Variants in SNRPN observed in about 807,000 individuals in gnomAD.
SNRPN encodes small nuclear ribonucleoprotein polypeptide N, also known as small nuclear ribonucleoprotein-associated protein N.
In SNRPN, 7 loss-of-function variants were observed where a neutral mutation model predicts 25.2. The observed-to-expected ratio is 0.28, with a 90% confidence interval of 0.16 to 0.52. SNRPN has a LOEUF of 0.52. Among genes scored for constraint, SNRPN ranks in the 20% least tolerant of loss-of-function variants. SNRPN has a pLI of 0.96. For missense variants in SNRPN, 196 were observed against 322.5 expected, an observed-to-expected ratio of 0.61 and a Z score of 3.00; for synonymous variants, 124 against 110.6, an observed-to-expected ratio of 1.12 and a Z score of -0.76.
chr15:24,960,341 G>A (rs1417667766), intron 1 of SNRPN, among the ~76,000 whole-genome samples: 1 of 152,000 alleles, frequency 6.6e-6, no homozygotes, highest in Non-Finnish European at 1.5e-5. Flanking sequence ...GCATTTCAGT[G>A]GGGGTTTTTT....
At chr15:24,896,038 T>C (rs2058063855) in intron 2 of SNRPN, among the ~76,000 whole-genome samples, 1 of 152,226 alleles carries the variant, frequency 6.6e-6, no homozygotes, top group African/African-American at 2.4e-5. Context: ...TCTACTTGCA[T>C]GGGCAAGCTA....
intron 7 of SNRPN, among the ~76,000 whole-genome samples, chr15:24,977,253 C>T (rs1160306889): frequency 6.6e-6 from 1 of 152,114 alleles, no homozygotes; most frequent in Non-Finnish European, 1.5e-5. Flanking sequence ...AGTAACTTGC[C>T]ACTAGTGGTG....
intron 1 of SNRPN, among the ~76,000 whole-genome samples, chr15:24,868,786 A>C (rs970748365): frequency 6.6e-6 from 1 of 152,160 alleles, no homozygotes; most frequent in African/African-American, 2.4e-5. Flanking sequence ...GATATGCATT[A>C]ATTTAGACAC....
intron 1 of SNRPN, among the ~76,000 whole-genome samples, chr15:24,882,542 G>A (rs2056788650): frequency 6.6e-6 from 1 of 152,048 alleles, no homozygotes; most frequent in African/African-American, 2.4e-5. Context: ...AGTATCTTAA[G>A]TTGGCCAGGC....
intron 1 of SNRPN, among the ~76,000 whole-genome samples, chr15:24,957,607 G>T (rs2063140681): frequency 6.6e-6 from 1 of 152,154 alleles, no homozygotes; most frequent in South Asian, 2.1e-4. Context: ...ATGTCTGGTT[G>T]CACTGAGTTG....
At chr15:24,865,610 C>G (rs1297141617) in intron 1 of SNRPN, among the ~76,000 whole-genome samples, 8 of 152,136 alleles carry the variant, frequency 5.3e-5, no homozygotes, top group Non-Finnish European at 7.3e-5. Flanking sequence ...GAAGTCAGTG[C>G]TTGCTTAGCT....
At chr15:24,838,039 A>T (rs59444365) in intron 2 of SNRPN, among the ~76,000 whole-genome samples, 1,903 of 139,842 alleles carry the variant, frequency 0.014, 46 homozygotes, top group African/African-American at 0.043. Context: ...TTATTTATTT[A>T]TTTTTTTTTT....
At chr15:24,934,413 C>T (rs182437758) in intron 3 of SNRPN, among the ~76,000 whole-genome samples, 1 of 152,180 alleles carries the variant, frequency 6.6e-6, no homozygotes, top group African/African-American at 2.4e-5. Flanking sequence ...ACACTCATGC[C>T]CACTTGTTTA....
intron 1 of SNRPN, among the ~76,000 whole-genome samples, chr15:24,863,999 T>TTGTATTTATTTATTTA (rs377443160): frequency 1.9e-4 from 28 of 148,840 alleles, no homozygotes; most frequent in Admixed American, 3.3e-4. Context: ...CTTTTTTAAA[T>TTGTATTTATTTATTTA]TTTATTTATT....
intron 3 of SNRPN, among the ~76,000 whole-genome samples, chr15:24,923,501 AC>A (rs2060161926): frequency 6.6e-6 from 1 of 152,210 alleles, no homozygotes; most frequent in Non-Finnish European, 1.5e-5. Flanking sequence ...AAGTACATGC[AC>A]AGTTGATGAA....
In SNRPN at chr15:24,888,439, T is replaced by C. The variant is rs79634985; in HGVS notation, c.-505+1850T>C. Among the ~76,000 whole-genome samples, 752 of 152,320 alleles carry C rather than the reference T, an allele frequency of 4.9e-3. 6 individuals carry two copies. The highest frequency in any genetic ancestry group is 0.017 in the African/African-American group (716 of 41,576). Reference sequence around the variant, plus strand: ...CTGTCAACTATATTTTCTTAACATATGTATTCCTACACAACATCAGTTTTG... The same window carrying C: ...CTGTCAACTATATTTTCTTAACATACGTATTCCTACACAACATCAGTTTTG... On this transcript the variant is annotated intron_variant, in intron 2 of 11. Transcript: ENST00000400097.
chr15:24,925,750 T>C lies in SNRPN; in HGVS notation c.-391+5626T>C, dbSNP rs1363717670. 4.6e-5 allele frequency among the ~76,000 whole-genome samples: 7 copies of C among 151,988 alleles called. No homozygotes were observed. The East Asian group carries it at 1.4e-3, about 29-fold the overall frequency. ...CATACCACCATGCCCAGCTAATTTT[T>C]TTTTTTTTTGAGACAGAGTCTCGCA... On this transcript the variant is annotated intron_variant, in intron 3 of 11. Transcript: ENST00000400097.
intron 1 of SNRPN, among the ~76,000 whole-genome samples, chr15:24,827,553 C>T (rs964741019): frequency 8.2e-5 from 12 of 145,768 alleles, no homozygotes; most frequent in Admixed American, 2.1e-4. Context: ...TGTATGCTTA[C>T]GCTATACTAA....
At chr15:24,923,793 G>A (rs1004432663) in intron 3 of SNRPN, among the ~76,000 whole-genome samples, 1 of 151,722 alleles carries the variant, frequency 6.6e-6, no homozygotes, top group Non-Finnish European at 1.5e-5. Context: ...CAGGAGAGAG[G>A]CTGTTTTGGG....
At chr15:24,952,604 T>A (rs184988444), upstream of SNRPN, among the ~76,000 whole-genome samples, 139 of 152,254 alleles carry the variant, frequency 9.1e-4, 3 homozygotes, top group East Asian at 0.021. Context: ...GCGAATTTCC[T>A]AATGGAGTAG....
chr15:24,913,968 TGCAGATAAATTC>T (rs2059372547), intron 2 of SNRPN, among the ~76,000 whole-genome samples: 3 of 152,164 alleles, frequency 2.0e-5, no homozygotes. Context: ...GCAAATAAAT[TGCAGATAAATTC>T]AGTTACTAAG....
chr15:24,881,026 A>G (rs1286230124), intron 1 of SNRPN, among the ~76,000 whole-genome samples: 2 of 152,174 alleles, frequency 1.3e-5, no homozygotes, highest in Non-Finnish European at 2.9e-5. Context: ...ACATTTGAAT[A>G]ATGACGGTCC....
intron 1 of SNRPN, among the ~76,000 whole-genome samples, chr15:24,869,857 T>C (rs1190249903): frequency 6.6e-6 from 1 of 152,216 alleles, no homozygotes; most frequent in East Asian, 1.9e-4. Context: ...CCTTATGAAC[T>C]GAGGACCTAA....
At chr15:24,880,665 T>TA (rs1325004923) in intron 1 of SNRPN, among the ~76,000 whole-genome samples, 1 of 152,040 alleles carries the variant, frequency 6.6e-6, no homozygotes, top group Non-Finnish European at 1.5e-5. Flanking sequence ...GAAGCCAAAA[T>TA]AAAAAAATTA....
Sources: gnomAD v4.1 joint callset for allele counts (sites outside exome capture counted in the v4.1 genomes callset) on GRCh38, gnomAD v4.1.1 for gene constraint, MANE v1.5 for transcripts, NCBI Gene and HGNC (gene_info 2026-07-23, HGNC 2026-07-21) for gene names.